The following FKTN variants were observed in gnomAD, a reference collection of about 807,000 sequenced individuals.
FKTN encodes ribitol-5-phosphate transferase FKTN.
A neutral mutation model predicts 58.6 loss-of-function variants in FKTN; 47 were observed. The ratio of observed to expected loss-of-function variants is 0.80; its 90% CI spans 0.63 to 1.02. FKTN has a LOEUF of 1.02. Among genes scored for constraint, FKTN ranks in the 50% least tolerant of loss-of-function variants. The pLI is 0.00. For missense variants in FKTN, 516 were observed against 537.3 expected (o/e 0.96, Z 0.39); for synonymous variants, 178 against 191.9 (o/e 0.93, Z 0.60).
chr9:105,635,559 C>A lies in FKTN; in HGVS notation c.*295C>A. ...ATTTTCCTTTGAGGGAACCCTCCCCCACCCTTTGAAGAGTTCAAGTTCTGT... is the reference window on the plus strand; with the variant it reads ...ATTTTCCTTTGAGGGAACCCTCCCCAACCCTTTGAAGAGTTCAAGTTCTGT... On this transcript the variant is annotated 3_prime_UTR_variant, in exon 11 of 11. Coordinates refer to ENST00000357998, the MANE Select transcript of FKTN (RefSeq NM_001079802.2). 2 of 1,278,836 alleles carry A rather than the reference C, an allele frequency of 1.6e-6. No homozygotes were observed. Among genetic ancestry groups the A allele is most frequent in the South Asian group, 1.6e-5 (1 of 63,210 alleles). 79.2% of individuals were successfully genotyped at this position (1,278,836 alleles called of 1,614,324 possible).
At chr9:105,559,368 T>C (rs996408843) in intron 1 of FKTN, among the ~76,000 whole-genome samples, 2 of 152,162 alleles carry the variant, frequency 1.3e-5, no homozygotes, top group Non-Finnish European at 2.9e-5. Context: ...GAGAGGACGA[T>C]AGTTGACAGA....
At chr9:105,593,431 A>T (rs1212463180) in intron 3 of FKTN, among the ~76,000 whole-genome samples, 1 of 152,210 alleles carries the variant, frequency 6.6e-6, no homozygotes, top group Non-Finnish European at 1.5e-5. Context: ...TGGGGCACAG[A>T]TCCAAAGCAC....
intron 1 of FKTN, among the ~76,000 whole-genome samples, chr9:105,570,677 T>C (rs910902956): frequency 1.3e-5 from 2 of 152,188 alleles, no homozygotes; most frequent in African/African-American, 4.8e-5. Flanking sequence ...TTTGTCATTT[T>C]ATCTCTAGTG....
chr9:105,581,005 T>C (rs1446846428), intron 3 of FKTN, among the ~76,000 whole-genome samples: 2 of 140,244 alleles, frequency 1.4e-5, no homozygotes, highest in African/African-American at 5.8e-5. Flanking sequence ...CGAGCCTTGG[T>C]TTTCAGCTCC....
chr9:105,608,639 CT>C (rs1829341568), intron 7 of FKTN, among the ~76,000 whole-genome samples: 2 of 152,140 alleles, frequency 1.3e-5, no homozygotes, highest in South Asian at 4.1e-4. Flanking sequence ...CTGGGGTTCC[CT>C]GCCAAGAAAG....
chr9:105,563,265 T>C (rs1288508470), intron 1 of FKTN, among the ~76,000 whole-genome samples: 1 of 152,212 alleles, frequency 6.6e-6, no homozygotes. Context: ...CTAACTGAGA[T>C]ACTGAGTTCA....
intron 3 of FKTN, among the ~76,000 whole-genome samples, chr9:105,575,948 T>A (rs1841595411): frequency 6.6e-6 from 1 of 151,986 alleles, no homozygotes; most frequent in South Asian, 2.1e-4. Flanking sequence ...TTGACTTAGT[T>A]TTTATGCTCC....
chr9:105,568,049 C>T (rs564873191), intron 1 of FKTN, among the ~76,000 whole-genome samples: 1 of 152,206 alleles, frequency 6.6e-6, no homozygotes, highest in South Asian at 2.1e-4. Flanking sequence ...GGAAAGGATT[C>T]CCTATTTAAC....
intron 1 of FKTN, among the ~76,000 whole-genome samples, chr9:105,567,266 C>G (rs992972888): frequency 9.9e-5 from 15 of 152,176 alleles, no homozygotes; most frequent in African/African-American, 3.4e-4. Flanking sequence ...CTCACCACTC[C>G]TATTCAGCAT....
At chr9:105,609,461 C>G (rs1829523092) in intron 7 of FKTN, among the ~76,000 whole-genome samples, 1 of 151,950 alleles carries the variant, frequency 6.6e-6, no homozygotes. Context: ...AGGAAATTAG[C>G]ACATACATTT....
intron 10 of FKTN, chr9:105,623,236 T>TAC (rs1384585384): frequency 4.6e-5 from 7 of 152,184 alleles, no homozygotes; most frequent in African/African-American, 1.4e-4. Context: ...TAATAATAGT[T>TAC]AACTTTATTG....
chr9:105,579,123 G>A (rs368723940), intron 3 of FKTN, among the ~76,000 whole-genome samples: 21 of 152,086 alleles, frequency 1.4e-4, no homozygotes, highest in Non-Finnish European at 2.2e-4. Flanking sequence ...CCAGCTCCTG[G>A]ATTCATTGAT....
chr9:105,600,312 T>C (rs909991523), intron 4 of FKTN, among the ~76,000 whole-genome samples: 6 of 152,338 alleles, frequency 3.9e-5, no homozygotes, highest in Non-Finnish European at 8.8e-5. Flanking sequence ...CTTCAGATTT[T>C]CTGAATAAGA....
intron 10 of FKTN, chr9:105,633,357 T>C (rs1457725399): frequency 1.3e-5 from 2 of 152,226 alleles, no homozygotes; most frequent in Non-Finnish European, 2.9e-5. Flanking sequence ...CTCTTTCAGC[T>C]TTTTGATGAG....
At position 105,615,055 on chromosome 9, in the gene FKTN, T is replaced by TA. The variant is rs368158605; in HGVS notation, c.781-222dup. ...CGGGCCACCACTCTCAGCTAATTTT[T>TA]ATGTTTTTAGTAGAGATGGGGTTTT... On this transcript the variant is annotated intron_variant, in intron 7 of 10. Coordinates refer to ENST00000357998, the MANE Select transcript of FKTN (RefSeq NM_001079802.2). Among the ~76,000 whole-genome samples the TA allele has an allele frequency of 8.2e-3, 1,255 of 152,288 alleles. 20 individuals carry two copies. Among genetic ancestry groups the TA allele is most frequent in the African/African-American group, 0.029 (1,200 of 41,550 alleles).
rs1387794360 is a variant in FKTN, at chr9:105,640,479, G to A, written c.*5215G>A. On this transcript the variant is annotated 3_prime_UTR_variant, in exon 11 of 11. Transcript: ENST00000357998. ...GAGGCAGGAGAATCACTTGAACCCGGGAAGCAGAGTCTGCAGTGAGCCAAG... is the reference window on the plus strand; with the variant it reads ...GAGGCAGGAGAATCACTTGAACCCGAGAAGCAGAGTCTGCAGTGAGCCAAG... 1 of 172,628 alleles carries A rather than the reference G, an allele frequency of 5.8e-6. No homozygotes were observed. Among genetic ancestry groups the A allele is most frequent in the Non-Finnish European group, 1.2e-5 (1 of 81,794 alleles). 10.7% of individuals were successfully genotyped at this position (172,628 alleles called of 1,614,324 possible).
Position 105,617,959 on chromosome 9 carries a change from G to C in FKTN, c.911G>C (p.Gly304Ala). The change falls in exon 9 of 11, where the codon GGA becomes GCA. Residue 304 changes from glycine to alanine, a missense_variant and splice_region_variant. Coordinates refer to ENST00000357998, the MANE Select transcript of FKTN (RefSeq NM_001079802.2). ...TAAAAAAATTTAATCTTCTTTTTAG[G>C]ATGGTATCGACAATGCAACATTATT... The part of the protein sequence containing the change: ...PFWLSSGTCL[G>A]WYRQCNIIPY... 1 of 1,570,234 alleles carries C rather than the reference G, an allele frequency of 6.4e-7. No homozygotes were observed. The highest frequency in any genetic ancestry group is 1.1e-5 in the South Asian group (1 of 88,272).
In FKTN at chr9:105,636,854, AT is replaced by A; in HGVS notation, c.*1592del. ...TAGAGAAAGTAACTTACAACCACCC[AT>A]TCCGGATTTGTAAAGCAACATGAAA... On this transcript the variant is annotated 3_prime_UTR_variant, in exon 11 of 11. Coordinates refer to ENST00000357998, the MANE Select transcript of FKTN (RefSeq NM_001079802.2). The A allele has an allele frequency of 8.6e-7, 1 of 1,158,648 alleles. No individual in the cohort carries two copies. The highest frequency in any genetic ancestry group is 1.1e-6 in the Non-Finnish European group (1 of 905,700). 71.8% of individuals were successfully genotyped at this position (1,158,648 alleles called of 1,614,324 possible).
chr9:105,620,917 AG>A (rs1462285896), intron 10 of FKTN, among the ~76,000 whole-genome samples: 4 of 152,102 alleles, frequency 2.6e-5, no homozygotes, highest in Non-Finnish European at 4.4e-5. Context: ...CTATTCTTAG[AG>A]AACTTCTGTA....
Sources: allele counts gnomAD v4.1 joint callset (sites outside exome capture counted in the v4.1 genomes callset), GRCh38; gene constraint gnomAD v4.1.1; transcripts MANE v1.5; gene names NCBI Gene and HGNC (gene_info 2026-07-23, HGNC 2026-07-21).